The following DSCAM variants were observed in gnomAD, a reference collection of about 807,000 sequenced individuals.
DSCAM encodes cell adhesion molecule DSCAM.
DSCAM carries 47 observed loss-of-function variants against 217.7 expected under a neutral mutation model. That is an observed-to-expected ratio of 0.22 (90% CI 0.17 to 0.28). The LOEUF is 0.28. DSCAM is among the 10% of genes least tolerant of loss of function. The pLI, the probability that DSCAM is intolerant of heterozygous loss-of-function variation, is 1.00. For synonymous variants in DSCAM, 1,056 were observed against 1,015.3 expected (o/e 1.04, Z -0.76); for missense variants, 2,080 against 2,618.3 (o/e 0.79, Z 4.49).
At position 40,291,606 on chromosome 21, in the gene DSCAM, ACT is replaced by A. The variant is rs375459855; in HGVS notation, c.2182+4447_2182+4448del. Among the ~76,000 whole-genome samples, 88 of 151,628 alleles carry A rather than the reference ACT, an allele frequency of 5.8e-4. No homozygotes were observed. The South Asian group carries it at 8.6e-3, about 15-fold the overall frequency. ...CTCCCGGCCTCGCCCCCTACCCCCA[ACT>A]CTTGGGAACTAGCTGGCCCCTCACC... is the stretch of plus-strand genomic sequence containing the variant. On this transcript the variant is annotated intron_variant, in intron 10 of 32. Coordinates refer to ENST00000400454, the MANE Select transcript of DSCAM (RefSeq NM_001389.5).
chr21:40,084,555 C>G (rs969288973), intron 23 of DSCAM, among the ~76,000 whole-genome samples: 48 of 130,480 alleles, frequency 3.7e-4, no homozygotes, highest in African/African-American at 1.2e-3. Context: ...CACACACACA[C>G]AGAAAATCAA....
intron 3 of DSCAM, among the ~76,000 whole-genome samples, chr21:40,601,764 GATC>G (rs1568931430): frequency 2.0e-5 from 3 of 152,052 alleles, no homozygotes; most frequent in Admixed American, 1.3e-4. Flanking sequence ...CTGTTGTTAT[GATC>G]ATATGATTTT....
Position 40,338,318 on chromosome 21 carries a change from G to A in DSCAM, c.1566C>T (p.Tyr522=), listed in dbSNP as rs527403980. 79 of 1,614,222 alleles carry A rather than the reference G, an allele frequency of 4.9e-5. 1 individual carries two copies. The South Asian group carries it at 5.7e-4, about 12-fold the overall frequency. ...GATAGCCAATCACACGACAGTGAAT[G>A]TATGTGTCCCGTCCTGCTATTGCTG... The part of the protein sequence containing the change: ...NITAIAGRDT[Y]IHCRVIGYPY... The change falls in exon 8 of 33, where the codon TAC becomes TAT. Residue 522 remains tyrosine, a synonymous_variant. Transcript: ENST00000400454.
At chr21:40,650,807 A>T (rs1039117372) in intron 3 of DSCAM, among the ~76,000 whole-genome samples, 2 of 152,178 alleles carry the variant, frequency 1.3e-5, no homozygotes, top group African/African-American at 4.8e-5. Flanking sequence ...CCAGCTACTC[A>T]GGAGGCTGAG....
At chr21:40,324,026 C>T (rs1320179588) in intron 8 of DSCAM, among the ~76,000 whole-genome samples, 5 of 146,884 alleles carry the variant, frequency 3.4e-5, no homozygotes, top group African/African-American at 1.3e-4. Context: ...TTGCTTGAAC[C>T]CAGGAAGCAG....
chr21:40,421,565 G>A (rs1242138108), intron 3 of DSCAM, among the ~76,000 whole-genome samples: 1 of 152,182 alleles, frequency 6.6e-6, no homozygotes, highest in East Asian at 1.9e-4. Flanking sequence ...AGCGCTGTGT[G>A]TTTTGAGGTG....
At chr21:40,628,297 C>T (rs1001936992) in intron 3 of DSCAM, among the ~76,000 whole-genome samples, 1 of 152,190 alleles carries the variant, frequency 6.6e-6, no homozygotes, top group African/African-American at 2.4e-5. Context: ...CTGGCTCCCC[C>T]ACTTACCAGA....
At chr21:40,532,555 G>A (rs1370424573) in intron 3 of DSCAM, among the ~76,000 whole-genome samples, 1 of 152,196 alleles carries the variant, frequency 6.6e-6, no homozygotes, top group Non-Finnish European at 1.5e-5. Context: ...TGCAGGTCAT[G>A]ATTTATATGT....
chr21:40,644,076 G>A (rs1468874892), intron 3 of DSCAM, among the ~76,000 whole-genome samples: 1 of 152,122 alleles, frequency 6.6e-6, no homozygotes, highest in Non-Finnish European at 1.5e-5. Flanking sequence ...TAATTCAGTT[G>A]GTCCAAGACT....
chr21:40,648,053 A>T (rs759895040), intron 3 of DSCAM, among the ~76,000 whole-genome samples: 72 of 152,130 alleles, frequency 4.7e-4, no homozygotes, highest in Middle Eastern at 3.4e-3. Context: ...GAAAACAAAT[A>T]AATAGAGAAA....
At chr21:40,576,904 C>T (rs1332781850) in intron 3 of DSCAM, among the ~76,000 whole-genome samples, 2 of 151,232 alleles carry the variant, frequency 1.3e-5, no homozygotes, top group African/African-American at 2.4e-5. Context: ...TGCACCCAGG[C>T]GAGTTAGAGA....
At chr21:40,775,726 C>T (rs2091482053) in intron 1 of DSCAM, among the ~76,000 whole-genome samples, 1 of 152,156 alleles carries the variant, frequency 6.6e-6, no homozygotes, top group Non-Finnish European at 1.5e-5. Flanking sequence ...AGAGACACAT[C>T]GTCGGCATCC....
At chr21:40,369,385 C>CATGT in intron 3 of DSCAM, 140 bp from the exon 4 acceptor site, 1 of 384,510 alleles carries the variant, frequency 2.6e-6, no homozygotes, top group Non-Finnish European at 4.5e-6. Flanking sequence ...CGTGCGTCTG[C>CATGT]GTGTGTGTGT....
intron 3 of DSCAM, among the ~76,000 whole-genome samples, chr21:40,691,144 C>T (rs1262231462): frequency 6.6e-6 from 1 of 152,212 alleles, no homozygotes; most frequent in Non-Finnish European, 1.5e-5. Context: ...TTCCAGTTCT[C>T]CTCTTCCTTC....
At chr21:40,056,588 A>G (rs1200205156) in intron 28 of DSCAM, among the ~76,000 whole-genome samples, 1 of 152,222 alleles carries the variant, frequency 6.6e-6, no homozygotes, top group Non-Finnish European at 1.5e-5. Context: ...AAAAGTCAAT[A>G]AAGACTTTAA....
intron 5 of DSCAM, among the ~76,000 whole-genome samples, chr21:40,352,715 G>C (rs2074645907): frequency 6.6e-6 from 1 of 152,182 alleles, no homozygotes. Context: ...CCTCCTCTCT[G>C]ACCAATGCTC....
intron 27 of DSCAM, among the ~76,000 whole-genome samples, chr21:40,071,297 G>A (rs1335553687): frequency 1.3e-5 from 2 of 152,122 alleles, no homozygotes; most frequent in African/African-American, 4.8e-5. Context: ...AAAAATGTGG[G>A]CACTTGCAGG....
chr21:40,243,165 C>T (rs1435762276), intron 11 of DSCAM, among the ~76,000 whole-genome samples: 1 of 152,152 alleles, frequency 6.6e-6, no homozygotes, highest in Admixed American at 6.5e-5. Flanking sequence ...GACTTTGGAA[C>T]ATGAAAGCTC....
chr21:40,620,276 A>G (rs1199750270), intron 3 of DSCAM, among the ~76,000 whole-genome samples: 1 of 140,680 alleles, frequency 7.1e-6, no homozygotes, highest in African/African-American at 2.7e-5. Flanking sequence ...AGAAAGAAAG[A>G]GAGAAAGAGA....
Sources: allele counts gnomAD v4.1 joint callset (sites outside exome capture counted in the v4.1 genomes callset), GRCh38; gene constraint gnomAD v4.1.1; transcripts MANE v1.5; gene names NCBI Gene and HGNC (gene_info 2026-07-23, HGNC 2026-07-21).